Variants in SLC8A1 observed in about 807,000 individuals in gnomAD.
SLC8A1 encodes solute carrier family 8 member A1, also known as sodium/calcium exchanger 1.
A neutral mutation model predicts 68.3 loss-of-function variants in SLC8A1; 18 were observed. The ratio of observed to expected loss-of-function variants is 0.26; its 90% CI spans 0.18 to 0.39. SLC8A1 has a LOEUF of 0.39. SLC8A1 is among the 10% of genes least tolerant of loss of function. The pLI, the probability that SLC8A1 is intolerant of heterozygous loss-of-function variation, is 1.00. For missense variants in SLC8A1, 985 were observed against 1,156.7 expected (o/e 0.85, Z 2.15); for synonymous variants, 475 against 415.5 (o/e 1.14, Z -1.74).
intron 2 of SLC8A1, among the ~76,000 whole-genome samples, chr2:40,236,441 T>C (rs1434877663): frequency 2.0e-5 from 3 of 152,228 alleles, no homozygotes; most frequent in African/African-American, 7.2e-5. Flanking sequence ...TTTTTTGTTT[T>C]CCATTTGTTT....
intron 2 of SLC8A1, chr2:40,177,929 G>C (rs975091050): frequency 2.1e-6 from 2 of 939,822 alleles, no homozygotes; most frequent in Non-Finnish European, 3.4e-6. Context: ...CCACCAAGCT[G>C]AATGTTACTG....
chr2:40,248,001 A>G (rs2062126326), intron 2 of SLC8A1, among the ~76,000 whole-genome samples: 1 of 152,214 alleles, frequency 6.6e-6, no homozygotes, highest in Admixed American at 6.5e-5. Context: ...CTCAAATGTG[A>G]TGTTAGGTAG....
chr2:40,203,606 A>T (rs1443524739), intron 2 of SLC8A1, among the ~76,000 whole-genome samples: 1 of 152,046 alleles, frequency 6.6e-6, no homozygotes, highest in African/African-American at 2.4e-5. Flanking sequence ...ATTCTGACAT[A>T]TGGAGAAAAC....
intron 2 of SLC8A1, 32 bp from the exon 3 acceptor site, chr2:40,178,525 G>GGGAAGA: frequency 6.4e-7 from 1 of 1,557,714 alleles, no homozygotes; most frequent in Non-Finnish European, 8.8e-7. Flanking sequence ...GACGAACAAG[G>GGGAAGA]GGAAGAGGAA....
chr2:40,365,402 A>G (rs1035397749), intron 2 of SLC8A1, among the ~76,000 whole-genome samples: 3 of 152,136 alleles, frequency 2.0e-5, no homozygotes, highest in Admixed American at 6.6e-5. Flanking sequence ...TCAGTGATTT[A>G]TGTGTTTACA....
At chr2:40,164,933 C>A (rs767626586) in exon 5 of SLC8A1, 1 of 1,614,008 alleles carries the variant, frequency 6.2e-7, no homozygotes, top group Non-Finnish European at 8.5e-7. Context: ...TTCTGCAATG[C>A]GCCTCTCCTC....
chr2:40,244,557 T>C (rs1365562405), intron 2 of SLC8A1, among the ~76,000 whole-genome samples: 14 of 74,620 alleles, frequency 1.9e-4, no homozygotes, highest in African/African-American at 3.8e-4. Context: ...GTGCATGATA[T>C]GAAAAACCAA....
intron 2 of SLC8A1, among the ~76,000 whole-genome samples, chr2:40,235,274 A>G (rs2060210065): frequency 1.3e-5 from 2 of 152,158 alleles, no homozygotes; most frequent in African/African-American, 4.8e-5. Flanking sequence ...CCACAATTTC[A>G]GATCCTGTTG....
At chr2:40,469,907 C>A (rs1052330393) in intron 1 of SLC8A1, among the ~76,000 whole-genome samples, 1 of 152,092 alleles carries the variant, frequency 6.6e-6, no homozygotes, top group African/African-American at 2.4e-5. Context: ...TTTTCAGCAA[C>A]CATTGCTAAT....
In SLC8A1 at chr2:40,323,081, G is replaced by A. The variant is rs187581666; in HGVS notation, c.1808+105392C>T. On this transcript the variant is annotated intron_variant, in intron 2 of 7. Transcript: ENST00000406785. ...TGATGGACAGAGATTACTGACAGAA[G>A]GTAGGAGCATTTACAGAAATATTCT... 2.6e-4 allele frequency among the ~76,000 whole-genome samples: 40 copies of A among 152,194 alleles called. No individual in the cohort carries two copies. The East Asian group carries it at 7.2e-3, about 27-fold the overall frequency.
intron 2 of SLC8A1, among the ~76,000 whole-genome samples, chr2:40,231,174 T>A (rs748312677): frequency 2.0e-5 from 3 of 152,196 alleles, no homozygotes; most frequent in African/African-American, 7.2e-5. Context: ...AGAGAGGTGC[T>A]GGTTCTTGGC....
intron 1 of SLC8A1, among the ~76,000 whole-genome samples, chr2:40,475,704 A>C (rs1438831931): frequency 1.3e-5 from 2 of 152,082 alleles, no homozygotes; most frequent in African/African-American, 4.8e-5. Context: ...ATTTTTTACA[A>C]AAATAACTAC....
intron 2 of SLC8A1, among the ~76,000 whole-genome samples, chr2:40,366,856 A>G (rs773921080): frequency 6.6e-6 from 1 of 151,930 alleles, no homozygotes; most frequent in African/African-American, 2.4e-5. Flanking sequence ...CAAGAAATTT[A>G]AAAAAGAGAA....
chr2:40,217,359 G>C (rs1028302101), intron 2 of SLC8A1, among the ~76,000 whole-genome samples: 1 of 152,058 alleles, frequency 6.6e-6, no homozygotes, highest in Non-Finnish European at 1.5e-5. Context: ...TATCTGTTTT[G>C]GTACCAGTAC....
chr2:40,282,743 G>A (rs1333627539), intron 2 of SLC8A1, among the ~76,000 whole-genome samples: 1 of 152,064 alleles, frequency 6.6e-6, no homozygotes, highest in Non-Finnish European at 1.5e-5. Context: ...TTTTCTCTGT[G>A]TCCAGTCCTG....
At chr2:40,180,116 C>A (rs902542382) in intron 2 of SLC8A1, among the ~76,000 whole-genome samples, 1 of 151,602 alleles carries the variant, frequency 6.6e-6, no homozygotes, top group Admixed American at 6.6e-5. Flanking sequence ...CCACAATCAT[C>A]TTTTAAAGAG....
At chr2:40,255,399 C>G (rs1200445111) in intron 2 of SLC8A1, among the ~76,000 whole-genome samples, 1 of 152,162 alleles carries the variant, frequency 6.6e-6, no homozygotes, top group Non-Finnish European at 1.5e-5. Flanking sequence ...GGACTATCAT[C>G]TCTCATCATG....
At chr2:40,176,509 A>G (rs1466585622) in intron 3 of SLC8A1, among the ~76,000 whole-genome samples, 1 of 152,108 alleles carries the variant, frequency 6.6e-6, no homozygotes, top group Non-Finnish European at 1.5e-5. Context: ...TCTACCATCT[A>G]TGGAGCATAT....
intron 2 of SLC8A1, among the ~76,000 whole-genome samples, chr2:40,212,283 CTTTTTTTTT>C (rs11369856): frequency 7.3e-6 from 1 of 136,824 alleles, no homozygotes; most frequent in African/African-American, 2.7e-5. Context: ...GATGCAATAT[CTTTTTTTTT>C]TTTTTTTTTC....
Sources: allele counts gnomAD v4.1 joint callset (sites outside exome capture counted in the v4.1 genomes callset), GRCh38; gene constraint gnomAD v4.1.1; transcripts MANE v1.5; gene names NCBI Gene and HGNC (gene_info 2026-07-23, HGNC 2026-07-21).